DLG2: variants seen among roughly 807,000 people sequenced by gnomAD.
DLG2 encodes the protein discs large MAGUK scaffold protein 2, also known as disks large homolog 2.
Under a neutral mutation model 132.5 loss-of-function variants are expected in DLG2, and 45 were observed. The observed-to-expected ratio is 0.34, with a 90% CI of 0.27 to 0.44. DLG2 has a LOEUF of 0.44. DLG2 is among the 20% of genes least tolerant of loss of function. The pLI is 1.00. For missense variants in DLG2, 1,045 were observed against 1,196.9 expected, an observed-to-expected ratio of 0.87 and a Z score of 1.87; for synonymous variants, 424 against 419.6, an observed-to-expected ratio of 1.01 and a Z score of -0.13.
chr11:84,136,834 G>A (rs1227124972), intron 9 of DLG2, among the ~76,000 whole-genome samples: 1 of 152,080 alleles, frequency 6.6e-6, no homozygotes, highest in Non-Finnish European at 1.5e-5. Context: ...TTCATTTGCT[G>A]GGAGCTGAAA....
intron 7 of DLG2, among the ~76,000 whole-genome samples, chr11:84,467,884 A>G (rs183215214): frequency 1.6e-4 from 24 of 151,634 alleles, no homozygotes; most frequent in Non-Finnish European, 1.3e-4. Flanking sequence ...AGATACATCA[A>G]AAGACTGATA....
At chr11:85,274,126 G>A (rs2077730300) in intron 4 of DLG2, among the ~76,000 whole-genome samples, 1 of 152,122 alleles carries the variant, frequency 6.6e-6, no homozygotes, top group South Asian at 2.1e-4. Context: ...AGAGGGGAGG[G>A]ATAGCATTAA....
intron 6 of DLG2, among the ~76,000 whole-genome samples, chr11:84,859,881 C>T (rs933624625): frequency 6.6e-6 from 1 of 152,032 alleles, no homozygotes; most frequent in Non-Finnish European, 1.5e-5. Flanking sequence ...GTGCAAACTG[C>T]CCTTCAAAAT....
In DLG2 at chr11:84,036,901, T is replaced by C. The variant is rs753922729; in HGVS notation, c.919+22414A>G. Among the ~76,000 whole-genome samples the C allele has an allele frequency of 3.9e-5, 6 of 152,110 alleles. No individual in the cohort carries two copies. In the East Asian group the frequency reaches 1.2e-3, roughly 29 times the overall value. On this transcript the variant is annotated intron_variant, in intron 11 of 27. Transcript: ENST00000376104. ...AGCTAGGTCGGTGTGTTGCCAAACATTCAACTTTCATATTTAGCTTCCAAG... is the reference window on the plus strand; with the variant it reads ...AGCTAGGTCGGTGTGTTGCCAAACACTCAACTTTCATATTTAGCTTCCAAG...
intron 3 of DLG2, among the ~76,000 whole-genome samples, chr11:85,334,665 C>T (rs1428879355): frequency 6.6e-6 from 1 of 151,986 alleles, no homozygotes; most frequent in African/African-American, 2.4e-5. Flanking sequence ...TGATTTCTGC[C>T]TTAATTTCAT....
At chr11:84,246,374 T>A (rs75406928) in intron 8 of DLG2, among the ~76,000 whole-genome samples, 3,170 of 152,284 alleles carry the variant, frequency 0.021, 44 homozygotes, top group Non-Finnish European at 0.031. Context: ...TTATTAGCTG[T>A]CTGGGTGATC....
intron 6 of DLG2, among the ~76,000 whole-genome samples, chr11:84,765,681 T>G (rs2068309078): frequency 6.6e-6 from 1 of 152,070 alleles, no homozygotes; most frequent in Admixed American, 6.6e-5. Flanking sequence ...TTTAAAAATA[T>G]TTAAGCAACC....
intron 6 of DLG2, among the ~76,000 whole-genome samples, chr11:84,747,427 A>T (rs2065521169): frequency 1.3e-5 from 2 of 152,232 alleles, no homozygotes; most frequent in Non-Finnish European, 2.9e-5. Flanking sequence ...ATTTTGAGGC[A>T]GAAAAAAAAG....
chr11:84,328,627 T>C (rs2098444458), intron 7 of DLG2, among the ~76,000 whole-genome samples: 1 of 150,284 alleles, frequency 6.7e-6, no homozygotes, highest in Non-Finnish European at 1.5e-5. Flanking sequence ...ATAGATATTT[T>C]CTAAATTTAT....
rs376187210 is a variant in DLG2 at position 85,402,312 on chromosome 11, C to CT, written c.41-116948dup. On this transcript the variant is annotated intron_variant, in intron 3 of 27. Coordinates refer to ENST00000376104, the MANE Select transcript of DLG2 (RefSeq NM_001142699.3). ...ATGTGTAGAAAGCTGAAACTGGATC[C>CT]TTTCCTTACACCTAGACAAAGATTA... Among the ~76,000 whole-genome samples, 590 of 152,214 alleles carry CT rather than the reference C, an allele frequency of 3.9e-3. 3 individuals carry two copies. Among genetic ancestry groups the CT allele is most frequent in the Non-Finnish European group, 6.5e-3 (445 of 68,014 alleles).
chr11:84,426,632 G>A lies in DLG2; in HGVS notation c.519+107938C>T, dbSNP rs145252407. 4.3e-3 allele frequency among the ~76,000 whole-genome samples: 649 copies of A among 152,126 alleles called. 12 individuals carry two copies. Among genetic ancestry groups the A allele is most frequent in the African/African-American group, 0.014 (596 of 41,484 alleles). On this transcript the variant is annotated intron_variant, in intron 7 of 27. Coordinates refer to ENST00000376104, the MANE Select transcript of DLG2 (RefSeq NM_001142699.3). ...CATTAATGTTATTATTATTATCTAC[G>A]AAAGGAAGGTCCTTTCTAGTTTTGA...
At chr11:84,705,725 C>T (rs1450116157) in intron 6 of DLG2, among the ~76,000 whole-genome samples, 4 of 151,680 alleles carry the variant, frequency 2.6e-5, no homozygotes, top group Non-Finnish European at 5.9e-5. Flanking sequence ...ACCTCATTTT[C>T]CCTCTGCTGT....
At chr11:85,259,166 G>C (rs1484444745) in intron 4 of DLG2, among the ~76,000 whole-genome samples, 3 of 152,054 alleles carry the variant, frequency 2.0e-5, no homozygotes, top group African/African-American at 7.2e-5. Context: ...TTATGGGGCT[G>C]GTTTCTCATG....
rs561132400 is a variant in DLG2, at chr11:83,818,457, T to C, written c.1722+15157A>G. On this transcript the variant is annotated intron_variant, in intron 17 of 27. Coordinates refer to ENST00000376104, the MANE Select transcript of DLG2 (RefSeq NM_001142699.3). ...CCCTTGCCTCACTGTACTTTTCTTA[T>C]AGTATAATTCGGGGTGGACCTGCTT... 6.6e-5 allele frequency among the ~76,000 whole-genome samples: 10 copies of C among 152,296 alleles called. No individual in the cohort carries two copies. In the East Asian group the frequency reaches 7.7e-4, roughly 12 times the overall value.
chr11:85,498,870 T>C (rs183592425), intron 3 of DLG2, among the ~76,000 whole-genome samples: 1 of 152,114 alleles, frequency 6.6e-6, no homozygotes, highest in Non-Finnish European at 1.5e-5. Flanking sequence ...AATTAAGAAA[T>C]AAAGATGGTC....
intron 3 of DLG2, among the ~76,000 whole-genome samples, chr11:85,483,755 C>T (rs182291589): frequency 3.6e-4 from 54 of 151,962 alleles, no homozygotes; most frequent in African/African-American, 5.3e-4. Context: ...ACCAGCCTGG[C>T]CAACATGGTG....
At chr11:84,997,547 T>C (rs1245878031) in intron 6 of DLG2, 1 of 152,188 alleles carries the variant, frequency 6.6e-6, no homozygotes, top group East Asian at 1.9e-4. Context: ...AAGCTATTGA[T>C]GAAGGAACAC....
chr11:85,060,124 C>T (rs2063896090), intron 6 of DLG2, among the ~76,000 whole-genome samples: 1 of 151,460 alleles, frequency 6.6e-6, no homozygotes, highest in Non-Finnish European at 1.5e-5. Flanking sequence ...CCCCTGGCAA[C>T]CACCATTTTA....
rs192593796 is a variant in DLG2, at chr11:84,142,252, C to T, written c.624+21209G>A. Among the ~76,000 whole-genome samples, 223 of 142,662 alleles carry T rather than the reference C, an allele frequency of 1.6e-3. 1 individual carries two copies. The highest frequency in any genetic ancestry group is 5.3e-3 in the African/African-American group (201 of 38,240). 93.6% of individuals were successfully genotyped at this position (142,662 alleles called of 152,430 possible). A position where few individuals can be genotyped will look rare whatever the true frequency, so the allele number is the denominator to read the frequency against. On this transcript the variant is annotated intron_variant, in intron 9 of 27. Coordinates refer to ENST00000376104, the MANE Select transcript of DLG2 (RefSeq NM_001142699.3). ...AGGAGAATCATTTGAACCCAGGAGG[C>T]GGAGGTTGCAGTGAGCCGAGATCGC...
Sources: gnomAD v4.1 joint callset for allele counts (sites outside exome capture counted in the v4.1 genomes callset) on GRCh38, gnomAD v4.1.1 for gene constraint, MANE v1.5 for transcripts, NCBI Gene and HGNC (gene_info 2026-07-23, HGNC 2026-07-21) for gene names.